The following EPHA7 variants were observed in gnomAD, a reference collection of about 807,000 sequenced individuals.
EPHA7 encodes EPH receptor A7.
A neutral mutation model predicts 112.6 loss-of-function variants in EPHA7; 25 were observed. That is an observed-to-expected ratio of 0.22 (90% CI 0.16 to 0.31). EPHA7 has a LOEUF of 0.31. Among genes scored for constraint, EPHA7 ranks in the 10% least tolerant of loss-of-function variants. The probability of loss-of-function intolerance (pLI) is 1.00; values close to 1 mark genes in which losing one functional copy is unlikely to be tolerated. For missense variants in EPHA7, 962 were observed against 1,212.6 expected, an observed-to-expected ratio of 0.79 and a Z score of 3.07; for synonymous variants, 437 against 406.5, an observed-to-expected ratio of 1.07 and a Z score of -0.90.
chr6:93,298,693 T>C (rs370267920), intron 5 of EPHA7, among the ~76,000 whole-genome samples: 5 of 152,152 alleles, frequency 3.3e-5, no homozygotes, highest in Non-Finnish European at 5.9e-5. Flanking sequence ...GCCTATCACA[T>C]TGGCAAAGAT....
At chr6:93,257,547 C>T in intron 11 of EPHA7, 24 bp from the exon 12 acceptor site, 1 of 1,545,328 alleles carries the variant, frequency 6.5e-7, no homozygotes, top group South Asian at 1.1e-5. Flanking sequence ...AAAAAAGTTT[C>T]AGGAGTCGTA....
chr6:93,313,915 A>G (rs1368999273), intron 5 of EPHA7, among the ~76,000 whole-genome samples: 1 of 152,120 alleles, frequency 6.6e-6, no homozygotes, highest in Non-Finnish European at 1.5e-5. Flanking sequence ...ATGGTAGCAA[A>G]TTCATTAGGA....
intron 12 of EPHA7, 125 bp from the exon 13 acceptor site, chr6:93,256,162 T>C: frequency 1.3e-6 from 1 of 743,900 alleles, no homozygotes; most frequent in South Asian, 1.9e-5. Context: ...ATTTTTTATA[T>C]AATATGGATA....
At chr6:93,417,071 G>C (rs543238131) in intron 1 of EPHA7, among the ~76,000 whole-genome samples, 312 of 152,258 alleles carry the variant, frequency 2.0e-3, no homozygotes, top group Non-Finnish European at 3.6e-3. Context: ...GGAAGAGGCG[G>C]CGGCGGCGGC....
chr6:93,246,491 G>T (rs1769957704), intron 15 of EPHA7, among the ~76,000 whole-genome samples: 1 of 152,108 alleles, frequency 6.6e-6, no homozygotes, highest in Admixed American at 6.6e-5. Context: ...ATATTGGTCT[G>T]AAAATATGAA....
chr6:93,318,548 T>C (rs1441397800), intron 5 of EPHA7, among the ~76,000 whole-genome samples: 1 of 152,160 alleles, frequency 6.6e-6, no homozygotes, highest in Non-Finnish European at 1.5e-5. Context: ...ACCTTAATCT[T>C]AAAATTATAT....
At chr6:93,255,805 T>C in intron 13 of EPHA7, 23 bp downstream of exon 13, 2 of 1,582,652 alleles carry the variant, frequency 1.3e-6, no homozygotes, top group Non-Finnish European at 1.7e-6. Flanking sequence ...TATGAAGAAG[T>C]GCAGTAAATG....
At chr6:93,287,140 C>A (rs1356452593) in intron 5 of EPHA7, among the ~76,000 whole-genome samples, 2 of 152,142 alleles carry the variant, frequency 1.3e-5, no homozygotes, top group Non-Finnish European at 2.9e-5. Context: ...TTTATATAAG[C>A]CAGTGTCTTC....
chr6:93,415,127 A>G (rs1021277117), intron 1 of EPHA7, among the ~76,000 whole-genome samples: 1 of 152,030 alleles, frequency 6.6e-6, no homozygotes, highest in Non-Finnish European at 1.5e-5. Flanking sequence ...ATACAATAAC[A>G]TGAACATAAT....
At chr6:93,260,341 G>A (rs775629174) in intron 9 of EPHA7, 4 of 198,314 alleles carry the variant, frequency 2.0e-5, no homozygotes, top group Non-Finnish European at 3.6e-5. Context: ...GAAGCATGCA[G>A]GTAACAGATA....
chr6:93,334,928 T>C (rs564086295), intron 5 of EPHA7, among the ~76,000 whole-genome samples: 1 of 152,164 alleles, frequency 6.6e-6, no homozygotes, highest in African/African-American at 2.4e-5. Context: ...AATTGATTTT[T>C]TTTCCCCAGA....
intron 14 of EPHA7, among the ~76,000 whole-genome samples, chr6:93,250,400 A>G (rs1253346505): frequency 1.3e-5 from 2 of 152,140 alleles, no homozygotes; most frequent in Non-Finnish European, 2.9e-5. Context: ...ATGGTTTTAA[A>G]CTTGAATTAT....
At chr6:93,366,635 C>A (rs917542699) in intron 3 of EPHA7, among the ~76,000 whole-genome samples, 8 of 152,088 alleles carry the variant, frequency 5.3e-5, no homozygotes, top group African/African-American at 1.9e-4. Context: ...CAGGGGCTGT[C>A]CTGCATCCAC....
chr6:93,399,511 T>C (rs548044342), intron 3 of EPHA7, among the ~76,000 whole-genome samples: 1 of 152,226 alleles, frequency 6.6e-6, no homozygotes, highest in South Asian at 2.1e-4. Flanking sequence ...CTCTTTTTAA[T>C]TGTAAATTGA....
intron 7 of EPHA7, among the ~76,000 whole-genome samples, chr6:93,264,958 T>A (rs553304086): frequency 2.0e-5 from 3 of 151,802 alleles, no homozygotes; most frequent in Admixed American, 6.6e-5. Context: ...ATATTCCTGC[T>A]TAGTTGTTGA....
chr6:93,325,875 T>C (rs1156292240), intron 5 of EPHA7, among the ~76,000 whole-genome samples: 1 of 151,420 alleles, frequency 6.6e-6, no homozygotes, highest in Non-Finnish European at 1.5e-5. Context: ...AAAATGGTTA[T>C]CATCAAACAC....
At chr6:93,370,941 C>A (rs1334604069) in intron 3 of EPHA7, among the ~76,000 whole-genome samples, 2 of 148,446 alleles carry the variant, frequency 1.3e-5, no homozygotes, top group Non-Finnish European at 3.0e-5. Flanking sequence ...GTCAGGAGAT[C>A]GAGACCATCC....
intron 4 of EPHA7, among the ~76,000 whole-genome samples, chr6:93,358,043 C>A (rs561403693): frequency 6.6e-6 from 1 of 151,940 alleles, no homozygotes; most frequent in Non-Finnish European, 1.5e-5. Flanking sequence ...TTTGCAGACA[C>A]GGAAATAACA....
At chr6:93,265,016 T>C (rs1770864530) in intron 7 of EPHA7, among the ~76,000 whole-genome samples, 1 of 151,682 alleles carries the variant, frequency 6.6e-6, no homozygotes, top group African/African-American at 2.4e-5. Context: ...CTGCATGTGC[T>C]ATTAAATCCC....
Sources: gnomAD v4.1 joint callset for allele counts (sites outside exome capture counted in the v4.1 genomes callset) on GRCh38, gnomAD v4.1.1 for gene constraint, MANE v1.5 for transcripts, NCBI Gene and HGNC (gene_info 2026-07-23, HGNC 2026-07-21) for gene names.